Variants in ADGB observed in about 807,000 individuals in gnomAD.
The protein encoded by ADGB is androglobin, also known as calpain-7-like protein.
A neutral mutation model predicts 210.5 loss-of-function variants in ADGB; 172 were observed. The ratio of observed to expected loss-of-function variants is 0.82; its 90% CI spans 0.72 to 0.93. ADGB has a LOEUF of 0.93. ADGB is among the 40% of genes least tolerant of loss of function. The pLI is 0.00. For synonymous variants in ADGB, 658 were observed against 662.7 expected (o/e 0.99, Z 0.11); for missense variants, 2,025 against 1,964.8 (o/e 1.03, Z -0.58).
chr6:146,670,425 C>G (rs555545686), intron 7 of ADGB, among the ~76,000 whole-genome samples: 1 of 152,290 alleles, frequency 6.6e-6, no homozygotes, highest in African/African-American at 2.4e-5. Flanking sequence ...GAAACTCACT[C>G]TACCTTACGG....
At chr6:146,791,242 A>G (rs1304626181) in intron 33 of ADGB, among the ~76,000 whole-genome samples, 2 of 152,180 alleles carry the variant, frequency 1.3e-5, no homozygotes, top group African/African-American at 4.8e-5. Flanking sequence ...TCTTAGGATC[A>G]TATTCAAAGA....
At chr6:146,754,894 C>T (rs1333898793) in intron 27 of ADGB, among the ~76,000 whole-genome samples, 1 of 151,886 alleles carries the variant, frequency 6.6e-6, no homozygotes, top group African/African-American at 2.4e-5. Context: ...GTCAAACTTG[C>T]TAATTATGAT....
At chr6:146,749,712 T>C (rs543054478) in intron 26 of ADGB, among the ~76,000 whole-genome samples, 1 of 152,154 alleles carries the variant, frequency 6.6e-6, no homozygotes, top group East Asian at 1.9e-4. Flanking sequence ...TTTAAGTGAC[T>C]CACAGTTCTA....
intron 20 of ADGB, among the ~76,000 whole-genome samples, chr6:146,732,260 C>T (rs553900452): frequency 2.6e-5 from 4 of 152,290 alleles, no homozygotes; most frequent in Non-Finnish European, 4.4e-5. Flanking sequence ...ACACAGAAAG[C>T]AAACTCATAG....
At chr6:146,665,176 T>A (rs2114895092) in intron 6 of ADGB, among the ~76,000 whole-genome samples, 1 of 152,194 alleles carries the variant, frequency 6.6e-6, no homozygotes, top group Middle Eastern at 3.4e-3. Flanking sequence ...TGTTAGAGAT[T>A]TGCTCACAGC....
At chr6:146,808,960 C>T (rs547655557) in intron 35 of ADGB, among the ~76,000 whole-genome samples, 8 of 151,822 alleles carry the variant, frequency 5.3e-5, no homozygotes, top group Non-Finnish European at 8.8e-5. Context: ...TCGTGGAGGC[C>T]GCGAAGGCCT....
intron 7 of ADGB, among the ~76,000 whole-genome samples, chr6:146,667,797 T>C (rs1554227363): frequency 2.0e-5 from 3 of 152,062 alleles, no homozygotes; most frequent in Admixed American, 1.3e-4. Flanking sequence ...AGTATTTTAG[T>C]ATATTACTTC....
intron 35 of ADGB, chr6:146,803,159 A>G: frequency 6.7e-7 from 1 of 1,490,360 alleles, no homozygotes; most frequent in Admixed American, 1.7e-5. Flanking sequence ...TCCTCAACAA[A>G]TAAGCTACAA....
intron 4 of ADGB, 93 bp downstream of exon 4, chr6:146,654,299 G>T: frequency 2.8e-6 from 2 of 722,840 alleles, no homozygotes; most frequent in South Asian, 2.0e-5. Context: ...ACTCTCCCTT[G>T]CTCACCTTTA....
intron 3 of ADGB, among the ~76,000 whole-genome samples, chr6:146,647,387 AC>A (rs1775634382): frequency 6.6e-6 from 1 of 152,048 alleles, no homozygotes; most frequent in South Asian, 2.1e-4. Flanking sequence ...GATTTTCCTT[AC>A]AGAAAGCCCA....
intron 35 of ADGB, among the ~76,000 whole-genome samples, chr6:146,809,534 G>A (rs534104209): frequency 7.2e-4 from 110 of 152,192 alleles, no homozygotes; most frequent in Non-Finnish European, 1.2e-3. Flanking sequence ...TAGAGACGGG[G>A]TTTCACCATG....
At position 146,716,049 on chromosome 6, in the gene ADGB, C is replaced by T. The variant is rs572071652; in HGVS notation, c.1741+634C>T. Among the ~76,000 whole-genome samples the T allele has an allele frequency of 2.1e-4, 26 of 123,244 alleles. No homozygotes were observed. In the East Asian group the frequency reaches 4.6e-3, roughly 22 times the overall value. The allele number at this position is 123,244 out of a possible 152,430, so 80.9% of individuals were successfully genotyped here. On this transcript the variant is annotated intron_variant, in intron 14 of 35. Transcript: ENST00000397944. Reference sequence around the variant, plus strand: ...TGCCACTGCACTCCAGCCTGGACTCCGTCTCAAAAAAAAAAAAAAAAAAAT... The same window carrying T: ...TGCCACTGCACTCCAGCCTGGACTCTGTCTCAAAAAAAAAAAAAAAAAAAT...
At position 146,716,942 on chromosome 6, in the gene ADGB, T is replaced by C. The variant is rs1474071149; in HGVS notation, c.1801T>C (p.Leu601=). The C allele has an allele frequency of 2.6e-6, 4 of 1,551,478 alleles. No homozygotes were observed. Among genetic ancestry groups the C allele is most frequent in the Non-Finnish European group, 3.5e-6 (4 of 1,146,876 alleles). The change falls in exon 15 of 36, where the codon TTG becomes CTG. Residue 601 remains leucine, a synonymous_variant. Coordinates refer to ENST00000397944, the MANE Select transcript of ADGB (RefSeq NM_024694.4). ...GDAHQSDGLN[L]EREIVSQTTA... ...TGCTCATCAGAGTGATGGATTAAAC[T>C]TGGAAAGAGAGATAGTCAGCCAGAC... is the stretch of plus-strand genomic sequence containing the variant.
chr6:146,771,551 C>G (rs1344725077), intron 29 of ADGB, among the ~76,000 whole-genome samples: 1 of 152,108 alleles, frequency 6.6e-6, no homozygotes, highest in East Asian at 1.9e-4. Flanking sequence ...CATACCGTGC[C>G]CCCGCCCCTG....
At chr6:146,762,157 G>T (rs201405904) in intron 27 of ADGB, among the ~76,000 whole-genome samples, 1,019 of 90,964 alleles carry the variant, frequency 0.011, 8 homozygotes, top group African/African-American at 0.03. Flanking sequence ...ATATTTTTTT[G>T]GGGGGGTCAC....
intron 1 of ADGB, among the ~76,000 whole-genome samples, chr6:146,630,502 C>T (rs1781048613): frequency 6.6e-6 from 1 of 150,766 alleles, no homozygotes; most frequent in Non-Finnish European, 1.5e-5. Context: ...GTGCTCAGGA[C>T]TTAGAGGCCA....
At chr6:146,618,065 A>G (rs1780830378) in intron 1 of ADGB, among the ~76,000 whole-genome samples, 1 of 152,120 alleles carries the variant, frequency 6.6e-6, no homozygotes, top group South Asian at 2.1e-4. Context: ...AGAGATAGGA[A>G]AATGTTATTT....
chr6:146,651,188 C>T (rs2114878969), intron 3 of ADGB, among the ~76,000 whole-genome samples: 1 of 152,292 alleles, frequency 6.6e-6, no homozygotes, highest in Non-Finnish European at 1.5e-5. Context: ...GACAACCAGC[C>T]ATGAGCTGCT....
At chr6:146,795,332 T>C (rs1369388687) in intron 33 of ADGB, among the ~76,000 whole-genome samples, 1 of 152,176 alleles carries the variant, frequency 6.6e-6, no homozygotes, top group African/African-American at 2.4e-5. Flanking sequence ...TAAGAGCTTC[T>C]GCACAGTAAA....
Sources: allele counts gnomAD v4.1 joint callset (sites outside exome capture counted in the v4.1 genomes callset), GRCh38; gene constraint gnomAD v4.1.1; transcripts MANE v1.5; gene names NCBI Gene and HGNC (gene_info 2026-07-23, HGNC 2026-07-21).